Variants in GSE1 observed in about 807,000 individuals in gnomAD.
GSE1 encodes Gse1 coiled-coil protein.
In GSE1, 32 loss-of-function variants were observed where a neutral mutation model predicts 112.6. The observed-to-expected ratio is 0.28, with a 90% confidence interval of 0.21 to 0.38. The LOEUF (loss-of-function observed/expected upper bound fraction) is 0.38. Ranked by LOEUF, GSE1 falls within the 10% of genes least tolerant of loss-of-function variation. GSE1 has a pLI of 1.00. For missense variants in GSE1, 2,348 were observed against 1,699.2 expected, an observed-to-expected ratio of 1.38 and a Z score of -6.71; for synonymous variants, 1,115 against 735.6, an observed-to-expected ratio of 1.52 and a Z score of -8.35.
rs542771292 is a variant in GSE1 at position 85,385,095 on chromosome 16, G to A, written c.2464+27452G>A. 1.3e-3 allele frequency among the ~76,000 whole-genome samples: 199 copies of A among 152,372 alleles called. 1 individual carries two copies. The highest frequency in any genetic ancestry group is 3.8e-3 in the African/African-American group (159 of 41,602). ...GGCCCTGTTGCTCCGCCAGTCAGGA[G>A]ACAAGTCTGTTCTCGCCAAGGAAGC... On this transcript the variant is annotated intron_variant, in intron 2 of 2. Coordinates refer to the GSE1 transcript ENST00000637419.
intron 1 of GSE1, chr16:85,580,209 CTG>C (rs1366067972): frequency 2.0e-5 from 3 of 152,460 alleles, no homozygotes; most frequent in African/African-American, 4.8e-5. Context: ...AATGTTCACT[CTG>C]TGGATGTTTG....
intron 2 of GSE1, among the ~76,000 whole-genome samples, chr16:85,380,172 T>A (rs2047514295): frequency 6.6e-6 from 1 of 152,214 alleles, no homozygotes; most frequent in Non-Finnish European, 1.5e-5. Flanking sequence ...CAAGTCCAGC[T>A]GGGCGGGCAG....
At chr16:85,653,632 G>A (rs1475760600) in intron 3 of GSE1, among the ~76,000 whole-genome samples, 1 of 152,002 alleles carries the variant, frequency 6.6e-6, no homozygotes, top group Non-Finnish European at 1.5e-5. Context: ...GTGTGTGAAG[G>A]CCGGTACCCC....
chr16:85,335,585 C>T (rs2046465753), intron 1 of GSE1, among the ~76,000 whole-genome samples: 1 of 152,134 alleles, frequency 6.6e-6, no homozygotes, highest in Non-Finnish European at 1.5e-5. Context: ...GGAGGAGGTA[C>T]ATGGGGTGAG....
chr16:85,202,715 C>T lies in GSE1; in HGVS notation c.2283+30908C>T, dbSNP rs1481195859. On this transcript the variant is annotated intron_variant, in intron 1 of 2. Coordinates refer to the GSE1 transcript ENST00000637419. ...GGAGGGGCCCTGGGGGGCCTCTGGC[C>T]GGAGCCAGGCCGATCGCACCCAGCT... Among the ~76,000 whole-genome samples the T allele has an allele frequency of 4.6e-5, 7 of 152,348 alleles. No homozygotes were observed. The East Asian group carries it at 1.2e-3, about 25-fold the overall frequency.
intron 2 of GSE1, among the ~76,000 whole-genome samples, chr16:85,398,902 AGACAT>A (rs2048027664): frequency 6.6e-6 from 1 of 152,154 alleles, no homozygotes; most frequent in African/African-American, 2.4e-5. Flanking sequence ...ATGTTTGTGT[AGACAT>A]GTATAATGCA....
intron 1 of GSE1, among the ~76,000 whole-genome samples, chr16:85,249,355 C>T (rs1906202884): frequency 6.6e-6 from 1 of 152,218 alleles, no homozygotes; most frequent in African/African-American, 2.4e-5. Context: ...AGGAGGGATG[C>T]TCACAGCGAG....
At chr16:85,276,896 C>T (rs1909422368) in intron 1 of GSE1, among the ~76,000 whole-genome samples, 1 of 152,202 alleles carries the variant, frequency 6.6e-6, no homozygotes, top group Non-Finnish European at 1.5e-5. Context: ...TTAGAGAACC[C>T]CCAAGGCCGG....
At chr16:85,657,678 C>A in intron 8 of GSE1, 74 bp downstream of exon 8, 1 of 1,032,158 alleles carries the variant, frequency 9.7e-7, no homozygotes. Flanking sequence ...TGAGCACCTC[C>A]TGTTTGCCCA....
intron 1 of GSE1, among the ~76,000 whole-genome samples, chr16:85,255,604 C>T (rs931601193): frequency 1.3e-5 from 2 of 152,090 alleles, no homozygotes; most frequent in African/African-American, 2.4e-5. Flanking sequence ...AGGGTTTCAC[C>T]ATGTTGGCAA....
At chr16:85,350,111 T>G (rs1486145898) in intron 1 of GSE1, among the ~76,000 whole-genome samples, 2 of 152,174 alleles carry the variant, frequency 1.3e-5, no homozygotes, top group Non-Finnish European at 2.9e-5. Context: ...TTAAATGGGC[T>G]GCCGATGGCA....
At chr16:85,635,503 G>A (rs1424514244) in intron 2 of GSE1, among the ~76,000 whole-genome samples, 1 of 136,064 alleles carries the variant, frequency 7.3e-6, no homozygotes, top group Non-Finnish European at 1.7e-5. Context: ...GAGGCATCCT[G>A]GACTCTCTGG....
At chr16:85,176,380 A>G (rs1289906426) in intron 1 of GSE1, among the ~76,000 whole-genome samples, 3 of 152,190 alleles carry the variant, frequency 2.0e-5, no homozygotes, top group Non-Finnish European at 2.9e-5. Flanking sequence ...GTTAGCTTGC[A>G]TGGGGCAGAG....
In GSE1 at chr16:85,671,048, C is replaced by G. The variant is rs373045100; in HGVS notation, c.3469C>G (p.Arg1157Gly). 1.2e-6 allele frequency: 2 copies of G among 1,612,546 alleles called. No homozygotes were observed. Among genetic ancestry groups the G allele is most frequent in the Non-Finnish European group, 1.7e-6 (2 of 1,178,826 alleles). ...LQTQCRRLEA[R>G]HYSLSLTAEQ... Reference sequence around the variant, plus strand: ...GACACAATGTAGACGACTGGAGGCCCGGCACTACAGCCTCAGCCTGACGGC... The same window carrying G: ...GACACAATGTAGACGACTGGAGGCCGGGCACTACAGCCTCAGCCTGACGGC... The change falls in exon 15 of 16, where the codon CGG becomes GGG. Residue 1157 changes from arginine (R) to glycine (G), a missense_variant. Arg to Gly is a moderately radical substitution (Grantham distance 125, BLOSUM62 -2). Transcript: ENST00000253458.
At chr16:85,395,410 A>G (rs555857485) in intron 2 of GSE1, among the ~76,000 whole-genome samples, 24 of 152,252 alleles carry the variant, frequency 1.6e-4, no homozygotes, top group Admixed American at 5.9e-4. Context: ...CCCGTTTCAC[A>G]GGTGGGCACA....
intron 1 of GSE1, among the ~76,000 whole-genome samples, chr16:85,233,770 C>G (rs565421845): frequency 1.4e-4 from 21 of 152,300 alleles, no homozygotes; most frequent in South Asian, 1.0e-3. Context: ...CTGGCAGGTT[C>G]TCAGCTGGCA....
chr16:85,550,253 T>C (rs1459731445), intron 2 of GSE1, among the ~76,000 whole-genome samples: 1 of 152,160 alleles, frequency 6.6e-6, no homozygotes, highest in Non-Finnish European at 1.5e-5. Flanking sequence ...TGGAGCCAGC[T>C]TGGGTTCCAA....
At chr16:85,259,871 G>C (rs1907488053) in intron 1 of GSE1, among the ~76,000 whole-genome samples, 1 of 152,232 alleles carries the variant, frequency 6.6e-6, no homozygotes, top group Non-Finnish European at 1.5e-5. Context: ...GCATCCAGAT[G>C]GGGGCTGAGG....
intron 8 of GSE1, among the ~76,000 whole-genome samples, chr16:85,658,650 G>A (rs1178835397): frequency 1.3e-5 from 2 of 152,176 alleles, no homozygotes; most frequent in Non-Finnish European, 2.9e-5. Context: ...CACACTGCCC[G>A]GCACGGCCGA....
Sources: gnomAD v4.1 joint callset for allele counts (sites outside exome capture counted in the v4.1 genomes callset) on GRCh38, gnomAD v4.1.1 for gene constraint, MANE v1.5 for transcripts, NCBI Gene and HGNC (gene_info 2026-07-23, HGNC 2026-07-21) for gene names.